The following PALM2AKAP2 variants were observed in gnomAD, a reference collection of about 807,000 sequenced individuals.
The protein encoded by PALM2AKAP2 is PALM2-AKAP2 fusion protein.
In PALM2AKAP2, 37 loss-of-function variants were observed where a neutral mutation model predicts 71.5. The ratio of observed to expected loss-of-function variants is 0.52; its 90% confidence interval spans 0.40 to 0.68. The LOEUF (loss-of-function observed/expected upper bound fraction) is 0.68, where lower values mean the gene tolerates loss of function less well. Among genes scored for constraint, PALM2AKAP2 ranks in the 30% least tolerant of loss-of-function variants. The pLI, the probability that PALM2AKAP2 is intolerant of heterozygous loss-of-function variation, is 0.00. For missense variants in PALM2AKAP2, 1,224 were observed against 1,191.8 expected (o/e 1.03, Z -0.40); for synonymous variants, 468 against 478.8 (o/e 0.98, Z 0.29).
intron 1 of PALM2AKAP2, among the ~76,000 whole-genome samples, chr9:110,123,859 T>G (rs1835541681): frequency 1.3e-5 from 2 of 152,216 alleles, no homozygotes; most frequent in Admixed American, 1.3e-4. Context: ...TCCCTGGTTC[T>G]TCATTCTCAA....
chr9:110,158,851 A>G (rs1244399364), intron 3 of PALM2AKAP2, among the ~76,000 whole-genome samples: 1 of 152,220 alleles, frequency 6.6e-6, no homozygotes, highest in African/African-American at 2.4e-5. Flanking sequence ...GACAAAATCT[A>G]CCAATCCACT....
rs928042774 is a variant in PALM2AKAP2, at chr9:110,016,888, CT to C, written c.582+858del. Among the ~76,000 whole-genome samples the C allele has an allele frequency of 5.9e-5, 9 of 151,566 alleles. No homozygotes were observed. In the East Asian group the frequency reaches 7.7e-4, roughly 13 times the overall value. ...TATAGAGCTGTAACTGGAGATATTT[CT>C]TTTTTTTTGAGACGGAGTCTCTCTC... is the stretch of plus-strand genomic sequence containing the variant. On this transcript the variant is annotated intron_variant, in intron 7 of 9. Transcript: ENST00000302798.
chr9:110,118,567 G>A (rs1264695797), intron 1 of PALM2AKAP2, among the ~76,000 whole-genome samples: 2 of 152,002 alleles, frequency 1.3e-5, no homozygotes, highest in Admixed American at 6.6e-5. Flanking sequence ...TGTAGAGAGT[G>A]AATTTATCTC....
intron 6 of PALM2AKAP2, among the ~76,000 whole-genome samples, chr9:109,966,464 G>C (rs1348077818): frequency 6.6e-6 from 1 of 152,206 alleles, no homozygotes; most frequent in Non-Finnish European, 1.5e-5. Flanking sequence ...GAGCTTGTGT[G>C]ACCTTGAGTG....
chr9:110,076,857 A>G (rs1328462936), intron 1 of PALM2AKAP2, among the ~76,000 whole-genome samples: 1 of 152,154 alleles, frequency 6.6e-6, no homozygotes, highest in African/African-American at 2.4e-5. Context: ...ACATTACAGT[A>G]TCACTGCTTG....
At chr9:109,658,926 C>T (rs564370354) in intron 1 of PALM2AKAP2, among the ~76,000 whole-genome samples, 1 of 152,106 alleles carries the variant, frequency 6.6e-6, no homozygotes, top group African/African-American at 2.4e-5. Context: ...ACTTGCAGGA[C>T]CTTTATGTGA....
intron 2 of PALM2AKAP2, among the ~76,000 whole-genome samples, chr9:110,142,096 G>C (rs1193105269): frequency 1.5e-5 from 2 of 136,886 alleles, no homozygotes; most frequent in East Asian, 4.1e-4. Flanking sequence ...TTTTGAGGCA[G>C]AGTCTTGCTC....
intron 1 of PALM2AKAP2, among the ~76,000 whole-genome samples, chr9:109,712,967 T>C (rs1436782245): frequency 6.6e-6 from 1 of 152,210 alleles, no homozygotes; most frequent in African/African-American, 2.4e-5. Flanking sequence ...ATAAATCTCT[T>C]TCACCCTGAT....
chr9:109,826,587 ATTAC>A (rs1828156859), intron 1 of PALM2AKAP2, among the ~76,000 whole-genome samples: 1 of 152,174 alleles, frequency 6.6e-6, no homozygotes, highest in Non-Finnish European at 1.5e-5. Flanking sequence ...ATACATTATA[ATTAC>A]TTCTGTTTAT....
At chr9:110,171,274 A>T (rs987037944) in exon 4 of PALM2AKAP2, 1 of 152,244 alleles carries the variant, frequency 6.6e-6, no homozygotes, top group Admixed American at 6.5e-5. Context: ...TGCTTAAAGA[A>T]TAACAGAGTT....
At chr9:109,779,102 C>T (rs549590283), upstream of PALM2AKAP2, among the ~76,000 whole-genome samples, 1 of 152,282 alleles carries the variant, frequency 6.6e-6, no homozygotes, top group African/African-American at 2.4e-5. Context: ...GCCTTTAAAT[C>T]CTATGGCTCT....
intron 1 of PALM2AKAP2, among the ~76,000 whole-genome samples, chr9:109,833,035 G>A (rs1265577734): frequency 6.6e-6 from 1 of 152,142 alleles, no homozygotes; most frequent in East Asian, 1.9e-4. Flanking sequence ...CCATCCCACT[G>A]AGGACAAACT....
chr9:110,156,900 G>T (rs542894240), intron 3 of PALM2AKAP2, among the ~76,000 whole-genome samples: 1 of 152,168 alleles, frequency 6.6e-6, no homozygotes, highest in African/African-American at 2.4e-5. Flanking sequence ...AAAGGATGAA[G>T]ATGCTGTTCC....
At chr9:109,920,765 G>C (rs906731059) in intron 3 of PALM2AKAP2, among the ~76,000 whole-genome samples, 1 of 151,906 alleles carries the variant, frequency 6.6e-6, no homozygotes, top group Non-Finnish European at 1.5e-5. Context: ...CTCAGGCCAG[G>C]TGTGGTGGCT....
intron 1 of PALM2AKAP2, among the ~76,000 whole-genome samples, chr9:109,787,731 G>A (rs759439622): frequency 3.3e-5 from 5 of 152,158 alleles, no homozygotes; most frequent in Non-Finnish European, 5.9e-5. Flanking sequence ...TTTTTAACAT[G>A]TGAGATCTCC....
At chr9:109,996,039 G>A (rs1200347774) in intron 6 of PALM2AKAP2, among the ~76,000 whole-genome samples, 1 of 152,166 alleles carries the variant, frequency 6.6e-6, no homozygotes, top group Non-Finnish European at 1.5e-5. Flanking sequence ...ACCACCAGAT[G>A]GGTAGCTGAC....
intron 1 of PALM2AKAP2, among the ~76,000 whole-genome samples, chr9:109,842,830 T>C (rs1374036600): frequency 6.6e-6 from 1 of 151,312 alleles, no homozygotes; most frequent in East Asian, 1.9e-4. Flanking sequence ...GCCTGGGCAA[T>C]ATAGTGAGAT....
At chr9:110,150,963 A>G (rs1372664882) in intron 2 of PALM2AKAP2, among the ~76,000 whole-genome samples, 1 of 152,246 alleles carries the variant, frequency 6.6e-6, no homozygotes, top group African/African-American at 2.4e-5. Context: ...TTCATTGCCT[A>G]AATGAGCCAT....
chr9:110,064,532 A>G lies in PALM2AKAP2; in HGVS notation c.156+15677A>G, dbSNP rs1377410601. 2.0e-5 allele frequency among the ~76,000 whole-genome samples: 3 copies of G among 152,336 alleles called. No individual in the cohort carries two copies. In the East Asian group the frequency reaches 5.8e-4, roughly 29 times the overall value. On this transcript the variant is annotated intron_variant, in intron 1 of 3. Coordinates refer to ENST00000374525, the Ensembl canonical transcript of PALM2AKAP2. ...TGAGATGCGAAGATTGCTTGAAGCC[A>G]GGAGTTCAAGCCTGTGTAGTTAGTG...
Sources: allele counts gnomAD v4.1 joint callset (sites outside exome capture counted in the v4.1 genomes callset), GRCh38; gene constraint gnomAD v4.1.1; transcripts MANE v1.5; gene names NCBI Gene and HGNC (gene_info 2026-07-23, HGNC 2026-07-21).